PCBD2: variants seen among roughly 807,000 people sequenced by gnomAD.
PCBD2 encodes the protein pterin-4-alpha-carbinolamine dehydratase 2.
A neutral mutation model predicts 16.4 loss-of-function variants in PCBD2; 12 were observed. The observed-to-expected ratio is 0.73, with a 90% CI of 0.47 to 1.19. The LOEUF (loss-of-function observed/expected upper bound fraction) is 1.19. Among genes scored for constraint, PCBD2 ranks in the 50% most tolerant of loss-of-function variants. PCBD2 has a pLI of 0.00. For synonymous variants in PCBD2, 58 were observed against 61.8 expected (o/e 0.94, Z 0.29); for missense variants, 138 against 156.8 (o/e 0.88, Z 0.64).
chr5:134,919,253 T>C (rs1750873814), intron 2 of PCBD2, among the ~76,000 whole-genome samples: 1 of 152,204 alleles, frequency 6.6e-6, no homozygotes, highest in Non-Finnish European at 1.5e-5. Context: ...AAAAGCAGTT[T>C]GAGCTGACGT....
Position 134,906,308 on chromosome 5 carries a change from A to G in PCBD2, c.84+1085A>G, listed in dbSNP as rs540362494. On this transcript the variant is annotated intron_variant, in intron 1 of 3. Coordinates refer to ENST00000254908, the MANE Select transcript of PCBD2 (RefSeq NM_032151.5). The stretch of plus-strand genomic sequence containing the variant: ...AAGCTCCGCCTCCCGGGTTCACGCC[A>G]TTTTCCTGCCTCAGCCTCCCGAGTA... Among the ~76,000 whole-genome samples, 8 of 134,224 alleles carry G rather than the reference A, an allele frequency of 6.0e-5. No homozygotes were observed. The Admixed American group carries it at 6.4e-4, about 11-fold the overall frequency. 88.1% of individuals were successfully genotyped at this position (134,224 alleles called of 152,430 possible). A position where few individuals can be genotyped will look rare whatever the true frequency, so the allele number is the denominator to read the frequency against.
At chr5:134,952,655 A>T (rs2149540025) in intron 2 of PCBD2, among the ~76,000 whole-genome samples, 1 of 152,232 alleles carries the variant, frequency 6.6e-6, no homozygotes, top group South Asian at 2.1e-4. Flanking sequence ...ATTTAAAAAA[A>T]TTAGCCAGGC....
chr5:134,941,878 G>A (rs759978601), intron 2 of PCBD2, among the ~76,000 whole-genome samples: 1 of 152,010 alleles, frequency 6.6e-6, no homozygotes, highest in Non-Finnish European at 1.5e-5. Context: ...CAGCACTTTG[G>A]GAGGCCGGGG....
intron 3 of PCBD2, among the ~76,000 whole-genome samples, chr5:134,959,455 A>T (rs1751451014): frequency 6.6e-6 from 1 of 152,232 alleles, no homozygotes; most frequent in South Asian, 2.1e-4. Flanking sequence ...AGCAAATCAG[A>T]TAGATATGGC....
In PCBD2 at chr5:134,961,031, C is replaced by G. The variant is rs1245375987; in HGVS notation, c.*350C>G. On this transcript the variant is annotated 3_prime_UTR_variant, in exon 4 of 4. Transcript: ENST00000254908. ...CCGCCTGCCTCAGCCTCCCAAAGTGCTGGGATTACAGGCATGAGCCACCAT... is the reference window on the plus strand; with the variant it reads ...CCGCCTGCCTCAGCCTCCCAAAGTGGTGGGATTACAGGCATGAGCCACCAT... 1.2e-5 allele frequency: 2 copies of G among 171,974 alleles called. No homozygotes were observed. Among genetic ancestry groups the G allele is most frequent in the African/African-American group, 4.8e-5 (2 of 41,736 alleles). 10.7% of individuals were successfully genotyped at this position (171,974 alleles called of 1,614,324 possible). A position where few individuals can be genotyped will look rare whatever the true frequency, so the allele number is the denominator to read the frequency against.
At position 134,943,865 on chromosome 5, in the gene PCBD2, A is replaced by G. The variant is rs149115287; in HGVS notation, c.217-15175A>G. On this transcript the variant is annotated intron_variant, in intron 2 of 3. Coordinates refer to ENST00000254908, the MANE Select transcript of PCBD2 (RefSeq NM_032151.5). The stretch of plus-strand genomic sequence containing the variant: ...CTGATCTTTATGAGCAAAGATAATT[A>G]TATATATTTGCCTGGGTAAGCAAAT... Among the ~76,000 whole-genome samples the G allele has an allele frequency of 5.8e-3, 886 of 152,310 alleles. 6 individuals are homozygous for G. The highest frequency in any genetic ancestry group is 0.019 in the South Asian group (91 of 4,828).
chr5:134,914,971 T>C (rs1019506358), intron 2 of PCBD2, among the ~76,000 whole-genome samples: 12 of 152,246 alleles, frequency 7.9e-5, no homozygotes, highest in Middle Eastern at 3.4e-3. Flanking sequence ...CTGCACCCAG[T>C]TGACATCATC....
chr5:134,947,689 CT>C (rs1227674208), intron 2 of PCBD2, among the ~76,000 whole-genome samples: 2 of 152,040 alleles, frequency 1.3e-5, no homozygotes, highest in African/African-American at 2.4e-5. Context: ...GCTCGGCCCC[CT>C]GACCTCAATT....
chr5:134,931,605 A>C (rs1751096441), intron 2 of PCBD2, among the ~76,000 whole-genome samples: 3 of 152,196 alleles, frequency 2.0e-5, no homozygotes, highest in Non-Finnish European at 4.4e-5. Context: ...CTTCCAGAGG[A>C]AGTGGGCAGT....
intron 2 of PCBD2, chr5:134,926,910 A>G (rs1279270735): frequency 5.0e-6 from 2 of 398,282 alleles, no homozygotes; most frequent in Non-Finnish European, 8.8e-6. Flanking sequence ...GAGTTCTCCT[A>G]GTAGGTTAAT....
chr5:134,937,936 G>A (rs1216787360), intron 2 of PCBD2, among the ~76,000 whole-genome samples: 1 of 151,842 alleles, frequency 6.6e-6, no homozygotes, highest in African/African-American at 2.4e-5. Flanking sequence ...TTTTTCTTTT[G>A]TTGGTTTCTG....
chr5:134,960,672 T>C lies in PCBD2; in HGVS notation c.384T>C (p.Ala128=). ...CCAAGTTTATTGAAAAAGCAGCTGC[T>C]TCTGTGTGATTTCTTCCAAAATACA... ...KLAKFIEKAA[A]SV The change falls in exon 4 of 4, where the codon GCT becomes GCC. Residue 128 remains alanine (A), a synonymous_variant. Coordinates refer to ENST00000254908, the MANE Select transcript of PCBD2 (RefSeq NM_032151.5). 1.2e-6 allele frequency: 2 copies of C among 1,608,548 alleles called. No homozygotes were observed. Among genetic ancestry groups the C allele is most frequent in the Non-Finnish European group, 1.7e-6 (2 of 1,175,174 alleles).
intron 3 of PCBD2, among the ~76,000 whole-genome samples, 171 bp downstream of exon 3, chr5:134,959,291 C>T (rs938339588): frequency 6.6e-6 from 1 of 152,204 alleles, no homozygotes; most frequent in Non-Finnish European, 1.5e-5. Flanking sequence ...AGGTCTGCTC[C>T]TAAGAACAGT....
At chr5:134,927,031 G>A (rs1239303864) in intron 2 of PCBD2, 6 of 398,312 alleles carry the variant, frequency 1.5e-5, no homozygotes, top group South Asian at 1.3e-4. Flanking sequence ...CTGTGGGTAC[G>A]TTCGTAGTTT....
rs79994877 is a variant in PCBD2 at position 134,950,602 on chromosome 5, T to C, written c.217-8438T>C. ...AAAATTAAAGTTCCCAAAGAATACTTGATTTGGGGTTCATGGAAAAATCTT... is the reference window on the plus strand; with the variant it reads ...AAAATTAAAGTTCCCAAAGAATACTCGATTTGGGGTTCATGGAAAAATCTT... On this transcript the variant is annotated intron_variant, in intron 2 of 3. Transcript: ENST00000254908. Among the ~76,000 whole-genome samples, 526 of 152,328 alleles carry C rather than the reference T, an allele frequency of 3.5e-3. 8 individuals carry two copies. In the East Asian group the frequency reaches 0.039, roughly 11 times the overall value.
At chr5:134,907,971 G>A (rs1453012088) in intron 1 of PCBD2, among the ~76,000 whole-genome samples, 3 of 151,270 alleles carry the variant, frequency 2.0e-5, no homozygotes, top group African/African-American at 7.3e-5. Context: ...GCCCAGGCTG[G>A]AATGCAGTGG....
chr5:134,905,262 CG>C (rs1483657584), intron 1 of PCBD2, 39 bp downstream of exon 1: 8 of 1,161,316 alleles, frequency 6.9e-6, no homozygotes, highest in East Asian at 3.4e-5. Flanking sequence ...GGTCCGGGGT[CG>C]GGGGGCGGTG....
chr5:134,936,638 G>A (rs1751162537), intron 2 of PCBD2, among the ~76,000 whole-genome samples: 1 of 152,194 alleles, frequency 6.6e-6, no homozygotes, highest in South Asian at 2.1e-4. Context: ...ATCCATTGCA[G>A]TATGATTTTG....
intron 2 of PCBD2, among the ~76,000 whole-genome samples, chr5:134,955,472 C>T (rs935188784): frequency 1.3e-5 from 2 of 151,358 alleles, no homozygotes; most frequent in Admixed American, 1.3e-4. Flanking sequence ...CATGCCCAGC[C>T]AATTTTTGTA....
Sources: allele counts gnomAD v4.1 joint callset (sites outside exome capture counted in the v4.1 genomes callset), GRCh38; gene constraint gnomAD v4.1.1; transcripts MANE v1.5; gene names NCBI Gene and HGNC (gene_info 2026-07-23, HGNC 2026-07-21).